The following PSD3 variants were observed in gnomAD, a reference collection of about 807,000 sequenced individuals.
PSD3 encodes pleckstrin and Sec7 domain containing 3.
PSD3 carries 49 observed loss-of-function variants against 105.5 expected under a neutral mutation model. The observed-to-expected ratio is 0.46, with a 90% CI of 0.37 to 0.59. PSD3 has a LOEUF of 0.59. Ranked by LOEUF, PSD3 falls within the 20% of genes least tolerant of loss-of-function variation. PSD3 has a pLI of 0.00. For synonymous variants in PSD3, 557 were observed against 457.8 expected, an observed-to-expected ratio of 1.22 and a Z score of -2.77; for missense variants, 1,561 against 1,263.8, an observed-to-expected ratio of 1.24 and a Z score of -3.57.
At chr8:18,946,637 C>G (rs1007098081) in intron 1 of PSD3, among the ~76,000 whole-genome samples, 1 of 151,694 alleles carries the variant, frequency 6.6e-6, no homozygotes, top group South Asian at 2.1e-4. Flanking sequence ...CGGTGGCTCA[C>G]GCCTGTAATC....
At chr8:18,716,384 T>C (rs1802599548) in intron 9 of PSD3, among the ~76,000 whole-genome samples, 1 of 152,170 alleles carries the variant, frequency 6.6e-6, no homozygotes, top group South Asian at 2.1e-4. Context: ...AATGGAAAAA[T>C]GCCTCTATGA....
intron 15 of PSD3, among the ~76,000 whole-genome samples, chr8:18,548,823 T>G (rs1054205743): frequency 2.0e-5 from 3 of 152,154 alleles, no homozygotes; most frequent in Non-Finnish European, 4.4e-5. Flanking sequence ...GGAAAGGATC[T>G]GTAGGTGAGG....
rs978254389 is a variant in PSD3, at chr8:18,664,945, C to T, written c.2173-9260G>A. 3.3e-5 allele frequency among the ~76,000 whole-genome samples: 5 copies of T among 152,144 alleles called. No individual in the cohort carries two copies. In the East Asian group the frequency reaches 7.7e-4, roughly 23 times the overall value. On this transcript the variant is annotated intron_variant, in intron 9 of 15. Transcript: ENST00000327040. ...TTGCTAAATATTTTTAGTCCATTGT[C>T]GAGACCTATTGCTCAGAAAAAAGGA...
At position 18,740,773 on chromosome 8, in the gene PSD3, C is replaced by T. The variant is rs961220294; in HGVS notation, c.2172+24676G>A. Among the ~76,000 whole-genome samples the T allele has an allele frequency of 1.3e-4, 20 of 152,286 alleles. 1 individual carries two copies. The highest frequency in any genetic ancestry group is 1.8e-4 in the Non-Finnish European group (12 of 68,032). ...CTCATATTCAAATGAACAAATGATTCCCTCTGTCCCACGACTTTGTCTCCT... is the reference window on the plus strand; with the variant it reads ...CTCATATTCAAATGAACAAATGATTTCCTCTGTCCCACGACTTTGTCTCCT... On this transcript the variant is annotated intron_variant, in intron 9 of 15. Transcript: ENST00000327040.
chr8:18,996,123 C>T (rs749721264), intron 1 of PSD3, among the ~76,000 whole-genome samples: 5 of 151,370 alleles, frequency 3.3e-5, no homozygotes, highest in South Asian at 2.1e-4. Context: ...TAAATTCTTA[C>T]TCTTATTACC....
At chr8:18,825,195 T>C (rs1002465562) in intron 4 of PSD3, among the ~76,000 whole-genome samples, 9 of 152,220 alleles carry the variant, frequency 5.9e-5, no homozygotes, top group Non-Finnish European at 1.2e-4. Flanking sequence ...AGACCTAAAG[T>C]TTGAGAACCC....
At chr8:18,649,258 C>G (rs1193573602) in intron 10 of PSD3, among the ~76,000 whole-genome samples, 1 of 152,202 alleles carries the variant, frequency 6.6e-6, no homozygotes, top group Non-Finnish European at 1.5e-5. Flanking sequence ...GGAAAAGCCA[C>G]AGGGGCAGAG....
chr8:19,076,342 G>T (rs1296464429), intron 1 of PSD3, among the ~76,000 whole-genome samples: 1 of 152,156 alleles, frequency 6.6e-6, no homozygotes, highest in Non-Finnish European at 1.5e-5. Context: ...TTCCTGGCCT[G>T]TAGTGGATTT....
At chr8:18,985,058 G>A (rs547405509) in intron 1 of PSD3, among the ~76,000 whole-genome samples, 14 of 152,152 alleles carry the variant, frequency 9.2e-5, no homozygotes, top group South Asian at 2.1e-4. Context: ...CTCAGTCTCC[G>A]GAGTAGCTGG....
intron 4 of PSD3, among the ~76,000 whole-genome samples, chr8:18,846,110 A>G (rs1165976765): frequency 6.6e-6 from 1 of 152,232 alleles, no homozygotes. Flanking sequence ...AAAGAGAGAT[A>G]GAAGAAAGAT....
Position 18,969,551 on chromosome 8 carries a change from A to T in PSD3, c.22-33409T>A, listed in dbSNP as rs558615074. On this transcript the variant is annotated intron_variant, in intron 1 of 15. Transcript: ENST00000327040. Reference sequence around the variant, plus strand: ...AACTTTTTATTAGTGGCCATTTCTAAAGAGAGGTCATATACCTTCTTTGTT... The same window carrying T: ...AACTTTTTATTAGTGGCCATTTCTATAGAGAGGTCATATACCTTCTTTGTT... Among the ~76,000 whole-genome samples, 62 of 152,358 alleles carry T rather than the reference A, an allele frequency of 4.1e-4. No individual in the cohort carries two copies. In the South Asian group the frequency reaches 0.012, roughly 29 times the overall value.
intron 6 of PSD3, chr8:18,802,294 G>A (rs1010439108): frequency 7.4e-6 from 3 of 402,876 alleles, no homozygotes; most frequent in African/African-American, 6.1e-5. Flanking sequence ...GTCACTAAGA[G>A]CACTGTTTAT....
chr8:18,724,230 G>T (rs79234856), intron 9 of PSD3, among the ~76,000 whole-genome samples: 1 of 152,024 alleles, frequency 6.6e-6, no homozygotes, highest in African/African-American at 2.4e-5. Flanking sequence ...CTATTACAGC[G>T]GTCTATAAAT....
At chr8:19,036,223 T>C (rs1827939449) in intron 1 of PSD3, among the ~76,000 whole-genome samples, 1 of 152,134 alleles carries the variant, frequency 6.6e-6, no homozygotes, top group Non-Finnish European at 1.5e-5. Context: ...AGGAGTTGCT[T>C]GTGGAGAGCT....
At chr8:18,544,171 CAAAAAAAA>C (rs201016537) in intron 15 of PSD3, among the ~76,000 whole-genome samples, 6 of 106,692 alleles carry the variant, frequency 5.6e-5, no homozygotes, top group East Asian at 2.9e-4. Flanking sequence ...AGAAACAAAC[CAAAAAAAA>C]AAAAAAAAAA....
At chr8:18,898,107 C>T (rs1171404248) in intron 2 of PSD3, among the ~76,000 whole-genome samples, 2 of 152,088 alleles carry the variant, frequency 1.3e-5, no homozygotes, top group African/African-American at 4.8e-5. Context: ...TTCCTTCTTA[C>T]CTAACTTGCT....
intron 1 of PSD3, among the ~76,000 whole-genome samples, chr8:18,990,951 A>G (rs1825757754): frequency 6.6e-6 from 1 of 152,192 alleles, no homozygotes; most frequent in African/African-American, 2.4e-5. Context: ...TAAAAGGACC[A>G]GATGATCCTC....
Position 19,039,834 on chromosome 8 carries a change from G to A in PSD3, c.324+44372C>T, listed in dbSNP as rs190147197. ...AAATAGTGGAGAATGAAGGAGAAAAGTCCCCTCCATCATGGGGCTTACAGT... is the reference window on the plus strand; with the variant it reads ...AAATAGTGGAGAATGAAGGAGAAAAATCCCCTCCATCATGGGGCTTACAGT... On this transcript the variant is annotated intron_variant, in intron 1 of 1. Coordinates refer to the PSD3 transcript ENST00000521475. Among the ~76,000 whole-genome samples, 483 of 152,294 alleles carry A rather than the reference G, an allele frequency of 3.2e-3. 3 individuals are homozygous for A. The highest frequency in any genetic ancestry group is 0.011 in the African/African-American group (463 of 41,538).
chr8:18,766,934 C>T (rs1175850659), intron 8 of PSD3, among the ~76,000 whole-genome samples: 1 of 152,154 alleles, frequency 6.6e-6, no homozygotes, highest in Non-Finnish European at 1.5e-5. Flanking sequence ...TTTGCACTAG[C>T]GGGAGATACC....
Sources: allele counts gnomAD v4.1 joint callset (sites outside exome capture counted in the v4.1 genomes callset), GRCh38; gene constraint gnomAD v4.1.1; transcripts MANE v1.5; gene names NCBI Gene and HGNC (gene_info 2026-07-23, HGNC 2026-07-21).